The following MARK1 variants were observed in gnomAD, a reference collection of about 807,000 sequenced individuals.
The protein encoded by MARK1 is serine/threonine-protein kinase MARK1.
A neutral mutation model predicts 96.3 loss-of-function variants in MARK1; 40 were observed. That is an observed-to-expected ratio of 0.42 (90% CI 0.32 to 0.54). MARK1 has a LOEUF of 0.54. MARK1 is among the 20% of genes least tolerant of loss of function. MARK1 has a pLI of 0.16. For synonymous variants in MARK1, 317 were observed against 341.2 expected (o/e 0.93, Z 0.78); for missense variants, 719 against 984.6 (o/e 0.73, Z 3.61).
In MARK1 at chr1:220,528,742, C is replaced by A; in HGVS notation, c.-81C>A. On this transcript the variant is annotated 5_prime_UTR_variant, in exon 1 of 18. Transcript: ENST00000366917. ...CGCCCCGGCCTTGTGCTCGCGTCCG[C>A]ACCCCTTTCCTGTCGCCCCCCGGGG... The A allele has an allele frequency of 7.4e-7, 1 of 1,355,952 alleles. No homozygotes were observed. Among genetic ancestry groups the A allele is most frequent in the Non-Finnish European group, 1.0e-6 (1 of 992,274 alleles). 84.0% of individuals were successfully genotyped at this position (1,355,952 alleles called of 1,614,324 possible).
chr1:220,598,648 A>G (rs1328340518), intron 4 of MARK1, among the ~76,000 whole-genome samples: 6 of 152,076 alleles, frequency 3.9e-5, no homozygotes, highest in East Asian at 3.9e-4. Context: ...TTCAGAATTA[A>G]TGCATACAAT....
intron 1 of MARK1, among the ~76,000 whole-genome samples, chr1:220,561,652 A>T (rs1309516804): frequency 6.6e-6 from 1 of 152,232 alleles, no homozygotes; most frequent in Non-Finnish European, 1.5e-5. Context: ...ACACATGATC[A>T]GATAAATATT....
chr1:220,554,085 A>G (rs182668999), intron 1 of MARK1, among the ~76,000 whole-genome samples: 7 of 152,320 alleles, frequency 4.6e-5, no homozygotes, highest in Admixed American at 4.6e-4. Context: ...TTTTGTCCTA[A>G]GAGAACTATC....
At chr1:220,572,127 C>G (rs1419254879) in intron 1 of MARK1, 1 of 152,194 alleles carries the variant, frequency 6.6e-6, no homozygotes, top group Non-Finnish European at 1.5e-5. Flanking sequence ...CTTAAGGGAG[C>G]TAGAGAAGTG....
intron 1 of MARK1, among the ~76,000 whole-genome samples, chr1:220,576,006 T>TCCCTCCCTCC (rs1254062798): frequency 8.0e-4 from 20 of 24,952 alleles, no homozygotes; most frequent in East Asian, 3.9e-3. Flanking sequence ...TTTTCTTCTC[T>TCCCTCCCTCC]CCCTCCCTCC....
chr1:220,591,536 C>T (rs1271106657), intron 3 of MARK1, among the ~76,000 whole-genome samples: 2 of 152,094 alleles, frequency 1.3e-5, no homozygotes, highest in Non-Finnish European at 2.9e-5. Flanking sequence ...GCTTAATGGG[C>T]CACACTTCCT....
intron 1 of MARK1, among the ~76,000 whole-genome samples, chr1:220,542,489 T>C (rs1237745383): frequency 1.3e-5 from 2 of 152,184 alleles, no homozygotes; most frequent in Non-Finnish European, 2.9e-5. Flanking sequence ...TGTGTGAAAC[T>C]TGGGGGCCTA....
chr1:220,566,130 A>G (rs74139769), intron 1 of MARK1, among the ~76,000 whole-genome samples: 1,726 of 152,278 alleles, frequency 0.011, 26 homozygotes, highest in African/African-American at 0.04. Flanking sequence ...TAAATAATAT[A>G]ATGTCTAAAA....
chr1:220,540,962 C>T (rs529491095), intron 1 of MARK1, among the ~76,000 whole-genome samples: 2 of 150,936 alleles, frequency 1.3e-5, no homozygotes, highest in South Asian at 2.1e-4. Context: ...GAGATAGAGT[C>T]TTGCTCTGTC....
At chr1:220,571,653 A>G (rs1663467029) in intron 1 of MARK1, 1 of 152,238 alleles carries the variant, frequency 6.6e-6, no homozygotes. Context: ...CTTATGAAGT[A>G]GGTATTAATT....
chr1:220,566,947 TG>T (rs1402137973), intron 1 of MARK1, among the ~76,000 whole-genome samples: 1 of 152,166 alleles, frequency 6.6e-6, no homozygotes, highest in Non-Finnish European at 1.5e-5. Context: ...TAAATATTTT[TG>T]TTGATAGGTA....
intron 1 of MARK1, among the ~76,000 whole-genome samples, chr1:220,536,761 T>C (rs925054907): frequency 9.2e-5 from 14 of 152,288 alleles, no homozygotes; most frequent in Admixed American, 8.5e-4. Flanking sequence ...TTTGTACTTT[T>C]AGTAGAAACA....
chr1:220,539,828 G>A (rs564416798), intron 1 of MARK1, among the ~76,000 whole-genome samples: 5 of 151,416 alleles, frequency 3.3e-5, no homozygotes, highest in African/African-American at 1.2e-4. Flanking sequence ...ATATTGACTT[G>A]TAGTTTTTTT....
intron 13 of MARK1, 59 bp downstream of exon 13, chr1:220,636,085 G>A (rs1667947033): frequency 2.5e-6 from 3 of 1,222,904 alleles, no homozygotes; most frequent in South Asian, 4.4e-5. Flanking sequence ...AGGGTTATGT[G>A]TAAAATTTTT....
intron 1 of MARK1, among the ~76,000 whole-genome samples, chr1:220,537,476 C>T (rs1481684072): frequency 6.6e-6 from 1 of 151,252 alleles, no homozygotes; most frequent in African/African-American, 2.4e-5. Flanking sequence ...TTTTCTTACT[C>T]CAGTCTATCA....
chr1:220,536,754 G>C (rs1660721269), intron 1 of MARK1, among the ~76,000 whole-genome samples: 1 of 152,008 alleles, frequency 6.6e-6, no homozygotes, highest in Non-Finnish European at 1.5e-5. Flanking sequence ...GCTAATTTTT[G>C]TACTTTTAGT....
In MARK1 at chr1:220,602,227, G is replaced by T. The variant is rs943504862; in HGVS notation, c.425-1840G>T. 2.6e-5 allele frequency among the ~76,000 whole-genome samples: 4 copies of T among 152,206 alleles called. 1 individual carries two copies. The East Asian group carries it at 7.7e-4, about 29-fold the overall frequency. On this transcript the variant is annotated intron_variant, in intron 5 of 17. Transcript: ENST00000366917. ...AATTTTCAGTGATTAGAAAATCAAA[G>T]AAATCTTTTTTTTATTTTGAACCAT...
intron 1 of MARK1, among the ~76,000 whole-genome samples, chr1:220,564,072 C>T (rs1662876060): frequency 6.6e-6 from 1 of 152,050 alleles, no homozygotes. Flanking sequence ...TTATTAAAAA[C>T]ATTAGTTTAG....
chr1:220,554,346 G>A (rs943450145), intron 1 of MARK1, among the ~76,000 whole-genome samples: 1 of 152,202 alleles, frequency 6.6e-6, no homozygotes, highest in Non-Finnish European at 1.5e-5. Flanking sequence ...GCTGGGGGCA[G>A]TTTTACCTCC....
Sources: gnomAD v4.1 joint callset for allele counts (sites outside exome capture counted in the v4.1 genomes callset) on GRCh38, gnomAD v4.1.1 for gene constraint, MANE v1.5 for transcripts, NCBI Gene and HGNC (gene_info 2026-07-23, HGNC 2026-07-21) for gene names.